FDXR: variants seen among roughly 807,000 people sequenced by gnomAD.
FDXR encodes the protein ferredoxin reductase, also known as NADPH:adrenodoxin oxidoreductase, mitochondrial.
A neutral mutation model predicts 58.3 loss-of-function variants in FDXR; 38 were observed. That is an observed-to-expected ratio of 0.65 (90% CI 0.50 to 0.85). The LOEUF (loss-of-function observed/expected upper bound fraction) is 0.85, where lower values mean the gene tolerates loss of function less well. FDXR is among the 40% of genes least tolerant of loss of function. FDXR has a pLI of 0.00. For missense variants in FDXR, 624 were observed against 671.0 expected, an observed-to-expected ratio of 0.93 and a Z score of 0.77; for synonymous variants, 275 against 273.8, an observed-to-expected ratio of 1.00 and a Z score of -0.04.
intron 2 of FDXR, among the ~76,000 whole-genome samples, chr17:74,869,454 C>T (rs1043887572): frequency 3.3e-5 from 5 of 152,170 alleles, no homozygotes; most frequent in African/African-American, 1.2e-4. Context: ...CTCTCAGCCT[C>T]GGCTCTCACC....
Position 74,862,670 on chromosome 17 carries a change from G to A in FDXR, c.*147C>T. On this transcript the variant is annotated 3_prime_UTR_variant, in exon 12 of 12. Coordinates refer to ENST00000293195, the MANE Select transcript of FDXR (RefSeq NM_024417.5). ...GCGCAAGGGCGACCTTCCCCAGGAG[G>A]GAGGAGAGACGCTGGAAGAGCAGCC... 1 of 1,139,908 alleles carries A rather than the reference G, an allele frequency of 8.8e-7. No homozygotes were observed. Among genetic ancestry groups the A allele is most frequent in the Non-Finnish European group, 1.2e-6 (1 of 825,206 alleles). 70.6% of individuals were successfully genotyped at this position (1,139,908 alleles called of 1,614,324 possible).
chr17:74,868,993 G>A (rs1042959045), intron 2 of FDXR, among the ~76,000 whole-genome samples: 1 of 151,224 alleles, frequency 6.6e-6, no homozygotes, highest in Non-Finnish European at 1.5e-5. Flanking sequence ...CTGTTCCCTC[G>A]ACCCCATCCA....
chr17:74,870,472 G>A (rs2038334789), intron 2 of FDXR, among the ~76,000 whole-genome samples: 1 of 136,528 alleles, frequency 7.3e-6, no homozygotes, highest in Non-Finnish European at 1.5e-5. Flanking sequence ...AGCTGAGACT[G>A]TGCCACTGCA....
intron 2 of FDXR, among the ~76,000 whole-genome samples, chr17:74,867,422 GCTTCTTTAT>G (rs2144667347): frequency 6.6e-6 from 1 of 151,956 alleles, no homozygotes; most frequent in East Asian, 1.9e-4. Flanking sequence ...TATCAGGGCG[GCTTCTTTAT>G]CTTCTCAGGT....
At chr17:74,869,861 C>T in intron 2 of FDXR, 2 of 421,416 alleles carry the variant, frequency 4.7e-6, no homozygotes, top group South Asian at 3.2e-5. Flanking sequence ...TGGATGGCCT[C>T]ACATGGAGCT....
At chr17:74,866,020 G>T in intron 5 of FDXR, 111 bp downstream of exon 5, 1 of 972,812 alleles carries the variant, frequency 1.0e-6, no homozygotes, top group Non-Finnish European at 1.6e-6. Flanking sequence ...GCCTCAGTCA[G>T]CACAATGTCA....
Position 74,863,194 on chromosome 17 carries a change from T to C in FDXR, c.1227A>G (p.Thr409=), listed in dbSNP as rs750527067. Reference sequence around the variant, plus strand: ...CGGTGAGGAAGCTGTCAGTCATGGTTGTGGCTATGACACCTGTAGGTCCTC... The same window carrying C: ...CGGTGAGGAAGCTGTCAGTCATGGTCGTGGCTATGACACCTGTAGGTCCTC... ...VKRGPTGVIA[T]TMTDSFLTGQ... The change falls in exon 11 of 12, where the codon ACA becomes ACG. Residue 409 remains threonine, a synonymous_variant. Transcript: ENST00000293195. 6.8e-6 allele frequency: 11 copies of C among 1,613,710 alleles called. No homozygotes were observed. Among genetic ancestry groups the C allele is most frequent in the Non-Finnish European group, 8.5e-6 (10 of 1,179,978 alleles).
In FDXR at chr17:74,864,029, G is replaced by A. The variant is rs757746107; in HGVS notation, c.1041C>T (p.Asp347=). 1.2e-6 allele frequency: 2 copies of A among 1,614,020 alleles called. No individual in the cohort carries two copies. The highest frequency in any genetic ancestry group is 2.2e-5 in the South Asian group (2 of 91,086). The change falls in exon 10 of 12, where the codon GAC becomes GAT. Residue 347 remains aspartate, a synonymous_variant. Transcript: ENST00000293195. Reference sequence around the variant, plus strand: ...CCAGCCCACAAGGGAGGTCTTCCATGTCTCCCGTGGGCACTGCACGGGTGG... The same window carrying A: ...CCAGCCCACAAGGGAGGTCTTCCATATCTCCCGTGGGCACTGCACGGGTGG... ...DEATRAVPTG[D]MEDLPCGLVL...
chr17:74,872,197 C>T (rs553693690), intron 1 of FDXR, 64 bp from the exon 2 acceptor site: 1 of 1,570,994 alleles, frequency 6.4e-7, no homozygotes, highest in African/African-American at 1.4e-5. Flanking sequence ...CCCAAACCAA[C>T]CTGAATATCC....
In FDXR at chr17:74,862,611, A is replaced by C. The variant is rs1598508094; in HGVS notation, c.*206T>G. 9.6e-6 allele frequency: 6 copies of C among 622,848 alleles called. No individual in the cohort carries two copies. In the East Asian group the frequency reaches 1.7e-4, roughly 18 times the overall value. 38.6% of individuals were successfully genotyped at this position (622,848 alleles called of 1,614,324 possible). A position where few individuals can be genotyped will look rare whatever the true frequency, so the allele number is the denominator to read the frequency against. On this transcript the variant is annotated 3_prime_UTR_variant, in exon 12 of 12. Coordinates refer to ENST00000293195, the MANE Select transcript of FDXR (RefSeq NM_024417.5). ...CGGCCCACACCTCCACCTGTCCCTA[A>C]GGTTACCTCAGTTGCTGAAAGCTAA...
chr17:74,869,116 T>C (rs690418), intron 2 of FDXR, among the ~76,000 whole-genome samples: 110,929 of 151,986 alleles, frequency 0.73, 41,141 homozygotes, highest in Admixed American at 0.8. Context: ...TCCCCACTGC[T>C]ATCTGGCCAC....
At chr17:74,868,734 C>G (rs555685213) in intron 2 of FDXR, 7 of 1,507,522 alleles carry the variant, frequency 4.6e-6, no homozygotes, top group African/African-American at 4.1e-5. Flanking sequence ...AGCTGCTCCC[C>G]GCTAACAAGG....
chr17:74,866,910 G>A (rs1302273696), intron 2 of FDXR, 34 bp from the exon 3 acceptor site: 6 of 1,439,708 alleles, frequency 4.2e-6, no homozygotes, highest in African/African-American at 2.8e-5. Context: ...TGGTGGGGCC[G>A]AGAGAGAGAG....
At chr17:74,868,250 T>G in intron 2 of FDXR, 4 of 547,510 alleles carry the variant, frequency 7.3e-6, no homozygotes, top group East Asian at 3.0e-5. Flanking sequence ...GGGCTTGGAG[T>G]CAAACAGGTA....
Position 74,862,780 on chromosome 17 carries a change from A to G in FDXR, c.*37T>C, listed in dbSNP as rs375440525. On this transcript the variant is annotated 3_prime_UTR_variant, in exon 12 of 12. Transcript: ENST00000293195. ...CCCAGCCCTTCCCCTCCCAACACTCATCCCTTCCCTGCTGGGGGCCGGGGC... is the reference window on the plus strand; with the variant it reads ...CCCAGCCCTTCCCCTCCCAACACTCGTCCCTTCCCTGCTGGGGGCCGGGGC... 1.1e-5 allele frequency: 17 copies of G among 1,586,572 alleles called. No individual in the cohort carries two copies. In the African/African-American group the frequency reaches 1.7e-4, roughly 16 times the overall value.
intron 10 of FDXR, among the ~76,000 whole-genome samples, chr17:74,863,449 TCA>T (rs1235522695): frequency 6.6e-6 from 1 of 152,150 alleles, no homozygotes; most frequent in African/African-American, 2.4e-5. Context: ...CCCTTACACC[TCA>T]GTTTCCCTGT....
chr17:74,862,912 G>C lies in FDXR; in HGVS notation c.1381C>G (p.Leu461Val). ...RPVSFSDWEK[L>V]DAEEVARGQG... ...CCCCGGGCCACCTCCTCGGCATCCA[G>C]CTTCTCCCAGTCTGAGAAAGAGACT... Residue 461 changes from leucine to valine, a missense_variant, in exon 12 of 12, where the codon CTG becomes GTG. By Grantham distance (32) the Leu-to-Val change is conservative. Coordinates refer to ENST00000293195, the MANE Select transcript of FDXR (RefSeq NM_024417.5). The C allele has an allele frequency of 1.2e-6, 2 of 1,612,978 alleles. No homozygotes were observed. Among genetic ancestry groups the C allele is most frequent in the Non-Finnish European group, 8.5e-7 (1 of 1,180,004 alleles).
At position 74,864,338 on chromosome 17, in the gene FDXR, C is replaced by T. The variant is rs756847640; in HGVS notation, c.812G>A (p.Arg271His). The T allele has an allele frequency of 8.9e-6, 14 of 1,575,238 alleles. No individual in the cohort carries two copies. The highest frequency in any genetic ancestry group is 2.3e-5 in the East Asian group (1 of 44,362). ...GLQDKIKEVP[R>H]PRKRLTELLL... is the part of the protein sequence containing the mutation. The stretch of plus-strand genomic sequence containing the variant: ...CAGTTCCGTCAGCCGCTTCCTCGGG[C>T]GGGGGACCTCTGTCAGCAACGTAGA... Residue 271 changes from arginine (R) to histidine (H), a missense_variant, in exon 9 of 12, where the codon CGC (arginine) becomes CAC (histidine). Coordinates refer to ENST00000293195, the MANE Select transcript of FDXR (RefSeq NM_024417.5).
At chr17:74,865,517 C>G (rs111240436) in intron 6 of FDXR, among the ~76,000 whole-genome samples, 1 of 152,174 alleles carries the variant, frequency 6.6e-6, no homozygotes, top group African/African-American at 2.4e-5. Context: ...CGCCACTTAG[C>G]TGGAGTGCAG....
Sources: gnomAD v4.1 joint callset for allele counts (sites outside exome capture counted in the v4.1 genomes callset) on GRCh38, gnomAD v4.1.1 for gene constraint, MANE v1.5 for transcripts, NCBI Gene and HGNC (gene_info 2026-07-23, HGNC 2026-07-21) for gene names.